Variants in RPS6KA5 observed in about 807,000 individuals in gnomAD.
The protein encoded by RPS6KA5 is ribosomal protein S6 kinase alpha-5.
Under a neutral mutation model 85.5 loss-of-function variants are expected in RPS6KA5, and 27 were observed. The observed-to-expected ratio is 0.32, with a 90% CI of 0.23 to 0.44. The LOEUF is 0.44. RPS6KA5 is among the 20% of genes least tolerant of loss of function. The pLI, the probability that RPS6KA5 is intolerant of heterozygous loss-of-function variation, is 1.00. For missense variants in RPS6KA5, 811 were observed against 980.9 expected, an observed-to-expected ratio of 0.83 and a Z score of 2.31; for synonymous variants, 334 against 348.2, an observed-to-expected ratio of 0.96 and a Z score of 0.46.
At chr14:90,982,265 C>T (rs1362367989) in intron 2 of RPS6KA5, among the ~76,000 whole-genome samples, 2 of 145,888 alleles carry the variant, frequency 1.4e-5, no homozygotes, top group Non-Finnish European at 3.0e-5. Context: ...CAAAGACTAC[C>T]ACAGTGAAAA....
intron 2 of RPS6KA5, among the ~76,000 whole-genome samples, chr14:90,999,124 C>T (rs1358320763): frequency 6.6e-6 from 1 of 152,118 alleles, no homozygotes; most frequent in Non-Finnish European, 1.5e-5. Flanking sequence ...AGAAGAATCA[C>T]TTGAACCCAG....
At position 91,024,888 on chromosome 14, in the gene RPS6KA5, T is replaced by A. The variant is rs534497395; in HGVS notation, c.104-23729A>T. The stretch of plus-strand genomic sequence containing the variant: ...TTTTTCATAGAGCCAATTTTTTTTT[T>A]AAATTTTTTTTGAGACCAAGTCTCG... On this transcript the variant is annotated intron_variant, in intron 1 of 16. Transcript: ENST00000614987. Among the ~76,000 whole-genome samples the A allele has an allele frequency of 1.8e-3, 277 of 152,248 alleles. 2 individuals are homozygous for A. Among genetic ancestry groups the A allele is most frequent in the African/African-American group, 5.3e-3 (221 of 41,540 alleles).
chr14:90,935,198 T>C (rs2037193517), intron 5 of RPS6KA5, among the ~76,000 whole-genome samples: 1 of 152,210 alleles, frequency 6.6e-6, no homozygotes. Context: ...GACCCTTACC[T>C]ACACATCTTG....
chr14:90,969,567 C>T (rs1247672594), intron 3 of RPS6KA5, among the ~76,000 whole-genome samples: 3 of 152,190 alleles, frequency 2.0e-5, no homozygotes, highest in Non-Finnish European at 2.9e-5. Flanking sequence ...ATGTCTTGCT[C>T]GTGCAATTGC....
chr14:91,036,411 C>T (rs1191303211), intron 1 of RPS6KA5, among the ~76,000 whole-genome samples: 1 of 152,130 alleles, frequency 6.6e-6, no homozygotes, highest in African/African-American at 2.4e-5. Flanking sequence ...CACTCTAAGT[C>T]CTTTATTTGT....
intron 1 of RPS6KA5, among the ~76,000 whole-genome samples, chr14:91,059,227 C>G (rs1212519276): frequency 7.0e-6 from 1 of 142,006 alleles, no homozygotes. Context: ...GTAATCCTAG[C>G]TACTCCGGAG....
At chr14:90,872,346 C>A (rs1162809469) in intron 16 of RPS6KA5, 24 bp from the exon 17 acceptor site, 1 of 1,588,134 alleles carries the variant, frequency 6.3e-7, no homozygotes, top group African/African-American at 1.4e-5. Context: ...AAAAGGGAAC[C>A]CCTGTGAAGG....
intron 1 of RPS6KA5, among the ~76,000 whole-genome samples, chr14:91,003,272 A>G (rs1022228546): frequency 6.6e-6 from 1 of 152,078 alleles, no homozygotes; most frequent in African/African-American, 2.4e-5. Context: ...CTTTATATTT[A>G]TATATTACTT....
At chr14:91,025,655 G>T (rs1175992319) in intron 1 of RPS6KA5, among the ~76,000 whole-genome samples, 1 of 150,918 alleles carries the variant, frequency 6.6e-6, no homozygotes, top group Non-Finnish European at 1.5e-5. Context: ...CATTTCTGAA[G>T]TTCTAAAAAA....
At chr14:90,929,692 A>G (rs1388245219) in intron 5 of RPS6KA5, among the ~76,000 whole-genome samples, 1 of 152,176 alleles carries the variant, frequency 6.6e-6, no homozygotes, top group East Asian at 1.9e-4. Flanking sequence ...GTTCCCTCCA[A>G]ATTAATTTAT....
intron 1 of RPS6KA5, among the ~76,000 whole-genome samples, chr14:91,026,746 A>G (rs2042005317): frequency 6.6e-6 from 1 of 152,162 alleles, no homozygotes; most frequent in Non-Finnish European, 1.5e-5. Flanking sequence ...ATTCTCATCA[A>G]TAGTGTGTAA....
At chr14:90,937,833 C>T (rs1286925873) in intron 5 of RPS6KA5, among the ~76,000 whole-genome samples, 4 of 152,152 alleles carry the variant, frequency 2.6e-5, no homozygotes, top group African/African-American at 4.8e-5. Context: ...TTACCTCCCA[C>T]CAGGTCCCTC....
intron 6 of RPS6KA5, among the ~76,000 whole-genome samples, chr14:90,922,302 A>C (rs1371091676): frequency 1.3e-5 from 2 of 152,018 alleles, no homozygotes. Context: ...TTTTTCTAGT[A>C]GAAATTAAAA....
At chr14:91,007,982 G>A (rs1369722846) in intron 1 of RPS6KA5, among the ~76,000 whole-genome samples, 1 of 152,112 alleles carries the variant, frequency 6.6e-6, no homozygotes, top group Non-Finnish European at 1.5e-5. Context: ...ACAAACCTAT[G>A]ATTGATAAAT....
intron 1 of RPS6KA5, among the ~76,000 whole-genome samples, chr14:91,031,995 TAAAC>T (rs1251160337): frequency 6.6e-6 from 1 of 152,194 alleles, no homozygotes; most frequent in Non-Finnish European, 1.5e-5. Context: ...ATTTTAAAAT[TAAAC>T]AAAGAATATT....
intron 3 of RPS6KA5, among the ~76,000 whole-genome samples, chr14:90,958,954 T>C (rs1211305342): frequency 2.0e-5 from 3 of 151,692 alleles, no homozygotes; most frequent in African/African-American, 7.3e-5. Flanking sequence ...AGCAATGACT[T>C]TAAAAGGGCA....
intron 3 of RPS6KA5, among the ~76,000 whole-genome samples, chr14:90,965,449 T>C (rs757150866): frequency 2.0e-5 from 3 of 152,122 alleles, no homozygotes; most frequent in Non-Finnish European, 4.4e-5. Context: ...TACAGAGGAT[T>C]TTAAGGTGCA....
chr14:91,023,787 C>T (rs985774271), intron 1 of RPS6KA5, among the ~76,000 whole-genome samples: 1 of 151,758 alleles, frequency 6.6e-6, no homozygotes, highest in African/African-American at 2.4e-5. Flanking sequence ...ATCTTTTTGC[C>T]TAAAGCCCTG....
At chr14:90,947,276 A>G (rs1193284129) in intron 4 of RPS6KA5, among the ~76,000 whole-genome samples, 159 bp downstream of exon 4, 1 of 152,240 alleles carries the variant, frequency 6.6e-6, no homozygotes, top group Non-Finnish European at 1.5e-5. Flanking sequence ...GATTTTTTCA[A>G]ACGGAATTAT....
Sources: gnomAD v4.1 joint callset for allele counts (sites outside exome capture counted in the v4.1 genomes callset) on GRCh38, gnomAD v4.1.1 for gene constraint, MANE v1.5 for transcripts, NCBI Gene and HGNC (gene_info 2026-07-23, HGNC 2026-07-21) for gene names.